The following ST6GALNAC3 variants were observed in gnomAD, a reference collection of about 807,000 sequenced individuals.
ST6GALNAC3 encodes the protein alpha-N-acetylgalactosaminide alpha-2,6-sialyltransferase 3.
A neutral mutation model predicts 32.7 loss-of-function variants in ST6GALNAC3; 25 were observed. That is an observed-to-expected ratio of 0.76 (90% CI 0.56 to 1.07). The LOEUF (loss-of-function observed/expected upper bound fraction) is 1.07. ST6GALNAC3 is among the 50% of genes least tolerant of loss of function. The pLI is 0.00. For missense variants in ST6GALNAC3, 355 were observed against 382.4 expected (o/e 0.93, Z 0.60); for synonymous variants, 129 against 133.1 (o/e 0.97, Z 0.21).
intron 3 of ST6GALNAC3, among the ~76,000 whole-genome samples, chr1:76,418,531 A>G (rs1460829584): frequency 6.6e-6 from 1 of 152,180 alleles, no homozygotes; most frequent in African/African-American, 2.4e-5. Flanking sequence ...CTAACTCAGA[A>G]TAAATACCTG....
At chr1:76,167,873 C>A (rs1337158758) in intron 1 of ST6GALNAC3, among the ~76,000 whole-genome samples, 2 of 152,032 alleles carry the variant, frequency 1.3e-5, no homozygotes, top group East Asian at 3.9e-4. Context: ...GGAATCTTCT[C>A]TCTTTTCTTC....
chr1:76,110,845 A>T (rs1165708568), intron 1 of ST6GALNAC3, among the ~76,000 whole-genome samples: 1 of 152,234 alleles, frequency 6.6e-6, no homozygotes, highest in Non-Finnish European at 1.5e-5. Context: ...TTTGGAGTAG[A>T]TTGTGAAACA....
chr1:76,354,589 G>A lies in ST6GALNAC3; in HGVS notation c.213+40590G>A, dbSNP rs544701882. 4.8e-4 allele frequency among the ~76,000 whole-genome samples: 73 copies of A among 152,328 alleles called. 1 individual carries two copies. The East Asian group carries it at 0.012, about 24-fold the overall frequency. On this transcript the variant is annotated intron_variant, in intron 2 of 4. Transcript: ENST00000328299. ...TTTTTGTTGACTGATGGGTTGGTTG[G>A]TTGGCTTTAAAGTGAAGTAATCCAT... is the stretch of plus-strand genomic sequence containing the variant.
intron 3 of ST6GALNAC3, among the ~76,000 whole-genome samples, chr1:76,441,012 T>TG (rs1485472031): frequency 6.9e-6 from 1 of 145,016 alleles, no homozygotes; most frequent in Non-Finnish European, 1.5e-5. Flanking sequence ...CACTTGAACT[T>TG]GGGAGGTGGT....
chr1:76,247,954 A>C (rs1657380418), intron 1 of ST6GALNAC3, among the ~76,000 whole-genome samples: 1 of 151,430 alleles, frequency 6.6e-6, no homozygotes, highest in Non-Finnish European at 1.5e-5. Flanking sequence ...CTGGTGGTGT[A>C]GGCTCACCAG....
intron 3 of ST6GALNAC3, among the ~76,000 whole-genome samples, chr1:76,552,528 C>T (rs767528300): frequency 2.6e-4 from 40 of 152,072 alleles, no homozygotes; most frequent in African/African-American, 7.7e-4. Flanking sequence ...AGCCCCTCAG[C>T]GTTATTATTC....
At chr1:76,270,961 C>T (rs988841766) in intron 1 of ST6GALNAC3, among the ~76,000 whole-genome samples, 6 of 152,070 alleles carry the variant, frequency 3.9e-5, no homozygotes, top group African/African-American at 9.7e-5. Context: ...CAAACAGACC[C>T]GGAGATGAAC....
intron 1 of ST6GALNAC3, among the ~76,000 whole-genome samples, chr1:76,244,103 T>C (rs1191988547): frequency 2.0e-5 from 3 of 152,212 alleles, no homozygotes; most frequent in African/African-American, 7.2e-5. Flanking sequence ...TTCATTTGTT[T>C]GTGTCCTTTC....
At chr1:76,278,562 T>C (rs1281654881) in intron 1 of ST6GALNAC3, among the ~76,000 whole-genome samples, 1 of 152,106 alleles carries the variant, frequency 6.6e-6, no homozygotes, top group African/African-American at 2.4e-5. Context: ...GAGCCTTTGA[T>C]ATCTGGTTAC....
intron 3 of ST6GALNAC3, among the ~76,000 whole-genome samples, chr1:76,502,480 A>C (rs569696286): frequency 2.0e-5 from 3 of 152,224 alleles, no homozygotes; most frequent in African/African-American, 7.2e-5. Flanking sequence ...GAGGGCTGTG[A>C]GGGGCAGATT....
intron 3 of ST6GALNAC3, among the ~76,000 whole-genome samples, chr1:76,480,387 A>C (rs1295336232): frequency 6.6e-6 from 1 of 152,206 alleles, no homozygotes; most frequent in South Asian, 2.1e-4. Flanking sequence ...TTATACGTGC[A>C]ACTTTCCTTA....
chr1:76,494,464 T>C (rs374838945), intron 3 of ST6GALNAC3, among the ~76,000 whole-genome samples: 1,639 of 73,230 alleles, frequency 0.022, 145 homozygotes, highest in Middle Eastern at 0.068. Context: ...TATATATATA[T>C]ATATACACAC....
chr1:76,510,012 G>C (rs1439127707), intron 3 of ST6GALNAC3, among the ~76,000 whole-genome samples: 1 of 152,294 alleles, frequency 6.6e-6, no homozygotes, highest in Non-Finnish European at 1.5e-5. Context: ...GATTTTCTCA[G>C]TCCTTTAAGT....
At chr1:76,512,245 C>G (rs1204386636) in intron 3 of ST6GALNAC3, among the ~76,000 whole-genome samples, 1 of 152,126 alleles carries the variant, frequency 6.6e-6, no homozygotes, top group East Asian at 1.9e-4. Flanking sequence ...AAGAACGCCT[C>G]CATTTCTCCT....
intron 3 of ST6GALNAC3, chr1:76,577,312 C>T (rs2100532002): frequency 2.0e-6 from 2 of 987,248 alleles, no homozygotes; most frequent in East Asian, 1.1e-4. Flanking sequence ...TGCTAGATTT[C>T]CCTTGCCACT....
At chr1:76,608,501 G>T (rs1048788822) in intron 3 of ST6GALNAC3, among the ~76,000 whole-genome samples, 6 of 151,976 alleles carry the variant, frequency 3.9e-5, no homozygotes, top group Non-Finnish European at 7.4e-5. Context: ...CCCTGGTGAG[G>T]CATGAGGGCA....
intron 2 of ST6GALNAC3, among the ~76,000 whole-genome samples, chr1:76,333,602 T>C (rs1047762883): frequency 1.3e-5 from 2 of 152,222 alleles, no homozygotes; most frequent in Non-Finnish European, 2.9e-5. Flanking sequence ...ATTTTTCTAT[T>C]AATCAGTCAA....
chr1:76,551,188 C>T (rs1246329898), intron 3 of ST6GALNAC3, among the ~76,000 whole-genome samples: 1 of 152,178 alleles, frequency 6.6e-6, no homozygotes, highest in Non-Finnish European at 1.5e-5. Flanking sequence ...ACCCTTTCTT[C>T]TTCTCCAAAA....
chr1:76,074,981 A>T lies in ST6GALNAC3; in HGVS notation c.18+97A>T, dbSNP rs1424330836. 4.8e-6 allele frequency: 7 copies of T among 1,447,732 alleles called. No individual in the cohort carries two copies. In the African/African-American group the frequency reaches 5.7e-5, roughly 12 times the overall value. 89.7% of individuals were successfully genotyped at this position (1,447,732 alleles called of 1,614,324 possible). A position where few individuals can be genotyped will look rare whatever the true frequency, so the allele number is the denominator to read the frequency against. ...CGCGGTCCCACCGCATCCTCATCTCAGTTGTCTTTTCCTGGCATTGATTTT... is the reference window on the plus strand; with the variant it reads ...CGCGGTCCCACCGCATCCTCATCTCTGTTGTCTTTTCCTGGCATTGATTTT... On this transcript the variant is annotated intron_variant, in intron 1 of 4. Transcript: ENST00000328299.
Sources: gnomAD v4.1 joint callset for allele counts (sites outside exome capture counted in the v4.1 genomes callset) on GRCh38, gnomAD v4.1.1 for gene constraint, MANE v1.5 for transcripts, NCBI Gene and HGNC (gene_info 2026-07-23, HGNC 2026-07-21) for gene names.